Variants in KLHL6 observed in about 807,000 individuals in gnomAD.
KLHL6 encodes kelch-like protein 6.
KLHL6 carries 41 observed loss-of-function variants against 58.6 expected under a neutral mutation model. The ratio of observed to expected loss-of-function variants is 0.70; its 90% CI spans 0.55 to 0.91. KLHL6 has a LOEUF of 0.91. KLHL6 is among the 40% of genes least tolerant of loss of function. The probability of loss-of-function intolerance (pLI) is 0.00; values close to 1 mark genes in which losing one functional copy is unlikely to be tolerated. For missense variants in KLHL6, 714 were observed against 805.6 expected (o/e 0.89, Z 1.38); for synonymous variants, 338 against 322.7 (o/e 1.05, Z -0.51).
chr3:183,494,167 C>A lies in KLHL6; in HGVS notation c.1262G>T (p.Gly421Val). ...AAAGCCTCCGATCACATAGACCTTG[C>A]CACCCAACACCACCATCTTATGCCT... ...RWRHKMVVLG[G>V]KVYVIGGFDG... The change falls in exon 5 of 7, where the codon GGC becomes GTC. Residue 421 changes from glycine (G) to valine (V), a missense_variant. Gly to Val is a moderately radical substitution (Grantham distance 109). Around this residue, in one of 2 missense-constraint regions of KLHL6, gnomAD observed 510 missense variants for 629.7 expected, o/e 0.81. Transcript: ENST00000341319. 6.2e-7 allele frequency: 1 copy of A among 1,614,192 alleles called. No individual in the cohort carries two copies. Among genetic ancestry groups the A allele is most frequent in the Non-Finnish European group, 8.5e-7 (1 of 1,180,024 alleles).
At chr3:183,509,595 C>T (rs374569280) in intron 2 of KLHL6, among the ~76,000 whole-genome samples, 45 of 152,258 alleles carry the variant, frequency 3.0e-4, no homozygotes, top group African/African-American at 8.4e-4. Context: ...GTGTTCTTCA[C>T]GGGGCTCTTC....
intron 1 of KLHL6, among the ~76,000 whole-genome samples, chr3:183,537,964 A>C (rs1410647221): frequency 2.0e-5 from 3 of 152,124 alleles, no homozygotes; most frequent in Non-Finnish European, 4.4e-5. Flanking sequence ...GCCACCACCA[A>C]GTAGGGACGG....
chr3:183,539,574 T>TTACA (rs1384043930), intron 1 of KLHL6, among the ~76,000 whole-genome samples: 4 of 151,900 alleles, frequency 2.6e-5, no homozygotes, highest in African/African-American at 9.7e-5. Flanking sequence ...CTCGGTGTGG[T>TTACA]GGCGGGTGCC....
intron 2 of KLHL6, among the ~76,000 whole-genome samples, chr3:183,523,800 C>T (rs1577192091): frequency 6.6e-6 from 1 of 152,208 alleles, no homozygotes; most frequent in East Asian, 1.9e-4. Context: ...CACTCTGTCG[C>T]CCAGGCTGGA....
At chr3:183,545,288 C>A (rs1487122222) in intron 1 of KLHL6, among the ~76,000 whole-genome samples, 1 of 152,192 alleles carries the variant, frequency 6.6e-6, no homozygotes. Flanking sequence ...GCGCTCATGG[C>A]AGTTTTACCA....
chr3:183,505,845 A>G (rs1448548528), intron 3 of KLHL6, among the ~76,000 whole-genome samples: 1 of 152,234 alleles, frequency 6.6e-6, no homozygotes, highest in African/African-American at 2.4e-5. Context: ...TAGAAGAAAC[A>G]GAGATCCTAA....
chr3:183,492,245 A>T lies in KLHL6; in HGVS notation c.1565-17T>A. 1 of 1,568,376 alleles carries T rather than the reference A, an allele frequency of 6.4e-7. No individual in the cohort carries two copies. The highest frequency in any genetic ancestry group is 1.4e-5 in the African/African-American group (1 of 73,778). ...TGGCCCCACCTGAGGAGAGGGAGGA[A>T]ACACGGTGGGCATCGCTCCATTTTT... On this transcript the variant is annotated splice_polypyrimidine_tract_variant and intron_variant, in intron 6 of 6. Transcript: ENST00000341319. This position sits in a 1 kb window ranked among gnomAD's most constrained non-coding sequence, Gnocchi z 5.9.
intron 3 of KLHL6, among the ~76,000 whole-genome samples, chr3:183,501,216 C>G (rs558883204): frequency 6.6e-6 from 1 of 152,158 alleles, no homozygotes; most frequent in Non-Finnish European, 1.5e-5. Context: ...GGCCAGGGAA[C>G]CTGGAGGCAC....
intron 1 of KLHL6, among the ~76,000 whole-genome samples, chr3:183,538,460 CCT>C (rs1364128897): frequency 1.3e-5 from 2 of 152,168 alleles, no homozygotes; most frequent in African/African-American, 4.8e-5. Flanking sequence ...AACGAACTCC[CCT>C]GTTTCACTGA....
intron 1 of KLHL6, among the ~76,000 whole-genome samples, chr3:183,537,995 A>G (rs78255943): frequency 6.6e-6 from 1 of 152,256 alleles, no homozygotes; most frequent in Non-Finnish European, 1.5e-5. Flanking sequence ...AAGTGAGTGA[A>G]TGAATGAATC....
intron 2 of KLHL6, among the ~76,000 whole-genome samples, chr3:183,509,203 C>G (rs370772789): frequency 1.1e-3 from 161 of 152,226 alleles, no homozygotes; most frequent in African/African-American, 3.5e-3. Flanking sequence ...CTGATTTAAA[C>G]AATATATATT....
At chr3:183,519,100 G>A (rs1711653560) in intron 2 of KLHL6, among the ~76,000 whole-genome samples, 1 of 152,164 alleles carries the variant, frequency 6.6e-6, no homozygotes, top group Non-Finnish European at 1.5e-5. Flanking sequence ...AGATGAGAGT[G>A]TATTGTTTCC....
intron 1 of KLHL6, among the ~76,000 whole-genome samples, chr3:183,530,954 C>T (rs1712136843): frequency 6.6e-6 from 1 of 151,474 alleles, no homozygotes; most frequent in Non-Finnish European, 1.5e-5. Flanking sequence ...GCCTTAGCCT[C>T]TGGAGTAGCT....
intron 1 of KLHL6, among the ~76,000 whole-genome samples, chr3:183,551,146 T>G (rs1183905293): frequency 1.3e-5 from 2 of 151,232 alleles, no homozygotes; most frequent in African/African-American, 4.9e-5. Flanking sequence ...AAAAAATTAC[T>G]TCCCATGCAC....
At chr3:183,505,819 C>G (rs1717986041) in intron 3 of KLHL6, among the ~76,000 whole-genome samples, 1 of 152,140 alleles carries the variant, frequency 6.6e-6, no homozygotes, top group Non-Finnish European at 1.5e-5. Flanking sequence ...GAGACACAAA[C>G]TATCAAAATT....
intron 2 of KLHL6, among the ~76,000 whole-genome samples, chr3:183,525,267 A>ACACACACACACACAC (rs1553811023): frequency 0.01 from 1,292 of 125,644 alleles, 16 homozygotes; most frequent in East Asian, 0.024. Context: ...CTCTAAAAAA[A>ACACACACACACACAC]AAACACACAC....
rs543156290 is a variant in KLHL6 at position 183,512,731 on chromosome 3, T to A, written c.460-4223A>T. On this transcript the variant is annotated intron_variant, in intron 2 of 6. Coordinates refer to ENST00000341319, the MANE Select transcript of KLHL6 (RefSeq NM_130446.4). The stretch of plus-strand genomic sequence containing the variant: ...GTCTCGAACTCCTGACCTCAGGTGA[T>A]CCACCCACCTTGGCCTCCCAAAGTG... 3.9e-5 allele frequency among the ~76,000 whole-genome samples: 6 copies of A among 152,260 alleles called. No individual in the cohort carries two copies. The South Asian group carries it at 1.0e-3, about 26-fold the overall frequency.
chr3:183,507,990 A>G, intron 3 of KLHL6, 69 bp downstream of exon 3: 1 of 1,388,158 alleles, frequency 7.2e-7, no homozygotes, highest in East Asian at 2.3e-5. Flanking sequence ...CTTTGCTTGC[A>G]TCTCTGTGAG....
chr3:183,497,122 C>T (rs930789717), intron 4 of KLHL6, among the ~76,000 whole-genome samples: 101 of 151,924 alleles, frequency 6.6e-4, no homozygotes, highest in African/African-American at 2.4e-3. Flanking sequence ...ACCAAAAATA[C>T]AAAAATTAAC....
Sources: gnomAD v4.1 joint callset for allele counts (sites outside exome capture counted in the v4.1 genomes callset) on GRCh38, gnomAD v4.1.1 for gene constraint, gnomAD v4.1.1 regional missense constraint, Gnocchi (gnomAD v3.1) non-coding constraint, MANE v1.5 for transcripts, NCBI Gene and HGNC (gene_info 2026-07-23, HGNC 2026-07-21) for gene names.